Variants in PCDH15 observed in about 807,000 individuals in gnomAD.
PCDH15 encodes protocadherin related 15, also known as protocadherin-15.
Under a neutral mutation model 178.5 loss-of-function variants are expected in PCDH15, and 129 were observed. The ratio of observed to expected loss-of-function variants is 0.72; its 90% confidence interval spans 0.63 to 0.84. The LOEUF (loss-of-function observed/expected upper bound fraction) is 0.84, where lower values mean the gene tolerates loss of function less well. Among genes scored for constraint, PCDH15 ranks in the 40% least tolerant of loss-of-function variants. The pLI is 0.00. For synonymous variants in PCDH15, 800 were observed against 732.0 expected, an observed-to-expected ratio of 1.09 and a Z score of -1.50; for missense variants, 2,230 against 2,099.9, an observed-to-expected ratio of 1.06 and a Z score of -1.21.
chr10:54,853,598 C>T (rs1250566542), intron 3 of PCDH15, among the ~76,000 whole-genome samples: 1 of 150,774 alleles, frequency 6.6e-6, no homozygotes, highest in Admixed American at 6.6e-5. Context: ...ATCAAAAATA[C>T]CTTCCTTGTA....
chr10:53,826,057 T>C (rs2076658776), intron 32 of PCDH15, among the ~76,000 whole-genome samples: 1 of 151,752 alleles, frequency 6.6e-6, no homozygotes, highest in South Asian at 2.1e-4. Flanking sequence ...TTTTAGTTTC[T>C]AAAGATCTTT....
chr10:55,058,100 T>A (rs1038844047), intron 2 of PCDH15, among the ~76,000 whole-genome samples: 1 of 152,180 alleles, frequency 6.6e-6, no homozygotes, highest in Non-Finnish European at 1.5e-5. Context: ...TTTAAAAAGA[T>A]GCTAGATACA....
At chr10:55,242,812 C>A (rs760508816) in intron 1 of PCDH15, among the ~76,000 whole-genome samples, 1 of 152,148 alleles carries the variant, frequency 6.6e-6, no homozygotes, top group Non-Finnish European at 1.5e-5. Context: ...TGCACTCCAG[C>A]CTGGGCAACA....
At chr10:54,997,980 A>G (rs1220240656) in intron 2 of PCDH15, among the ~76,000 whole-genome samples, 1 of 152,158 alleles carries the variant, frequency 6.6e-6, no homozygotes, top group Non-Finnish European at 1.5e-5. Flanking sequence ...ATAAAATCCA[A>G]TAATTGGTAG....
At chr10:54,043,357 A>G (rs1188542716) in intron 18 of PCDH15, among the ~76,000 whole-genome samples, 2 of 150,342 alleles carry the variant, frequency 1.3e-5, no homozygotes, top group African/African-American at 4.9e-5. Context: ...CATGCTCAAG[A>G]TGTAATTACA....
Position 54,888,535 on chromosome 10 carries a change from C to T in PCDH15, c.-29+8915G>A, listed in dbSNP as rs574236788. ...GTGTAAATCTTTGCATACACATATG[C>T]TTTTTATTTTAGGTAAATACTTAGG... On this transcript the variant is annotated intron_variant, in intron 3 of 5. Coordinates refer to the PCDH15 transcript ENST00000458638. Among the ~76,000 whole-genome samples the T allele has an allele frequency of 5.3e-5, 8 of 151,850 alleles. No individual in the cohort carries two copies. In the East Asian group the frequency reaches 1.5e-3, roughly 29 times the overall value.
intron 1 of PCDH15, among the ~76,000 whole-genome samples, chr10:55,229,297 T>C (rs935697966): frequency 2.6e-5 from 4 of 151,854 alleles, no homozygotes; most frequent in Non-Finnish European, 5.9e-5. Flanking sequence ...AAATGATATA[T>C]ATCCCCTAAA....
intron 14 of PCDH15, among the ~76,000 whole-genome samples, chr10:54,143,963 T>C (rs1000222145): frequency 6.6e-6 from 1 of 152,126 alleles, no homozygotes; most frequent in African/African-American, 2.4e-5. Flanking sequence ...AAAGCCAGTG[T>C]AGGTCCTATA....
intron 3 of PCDH15, among the ~76,000 whole-genome samples, chr10:54,817,722 CAAT>C (rs1952971904): frequency 6.6e-6 from 1 of 151,994 alleles, no homozygotes; most frequent in Non-Finnish European, 1.5e-5. Flanking sequence ...ATCATCTATA[CAAT>C]GTGTTCTCAT....
chr10:55,216,126 A>G (rs1250045054), intron 1 of PCDH15, among the ~76,000 whole-genome samples: 1 of 151,780 alleles, frequency 6.6e-6, no homozygotes, highest in Non-Finnish European at 1.5e-5. Flanking sequence ...AAAAATGAGG[A>G]AGCACATATA....
intron 2 of PCDH15, among the ~76,000 whole-genome samples, chr10:54,557,554 T>G (rs1172405060): frequency 6.6e-6 from 1 of 152,192 alleles, no homozygotes; most frequent in Non-Finnish European, 1.5e-5. Context: ...TCATACTATC[T>G]GTGCTTCAGA....
At chr10:54,835,039 T>A (rs1953291182) in intron 3 of PCDH15, among the ~76,000 whole-genome samples, 1 of 152,192 alleles carries the variant, frequency 6.6e-6, no homozygotes, top group Non-Finnish European at 1.5e-5. Context: ...CTGAAGAATG[T>A]GAAGATACAA....
intron 1 of PCDH15, among the ~76,000 whole-genome samples, chr10:54,678,842 T>C (rs2094840113): frequency 6.6e-6 from 1 of 152,216 alleles, no homozygotes; most frequent in East Asian, 1.9e-4. Flanking sequence ...CCTGATGATA[T>C]AGTTGGAATT....
chr10:53,963,715 C>A (rs1019940096), intron 21 of PCDH15, among the ~76,000 whole-genome samples: 1 of 152,104 alleles, frequency 6.6e-6, no homozygotes, highest in African/African-American at 2.4e-5. Context: ...GGTGTTCTAT[C>A]TGAAAGCCTA....
intron 18 of PCDH15, among the ~76,000 whole-genome samples, chr10:54,065,415 C>T (rs1258843338): frequency 6.6e-6 from 1 of 152,154 alleles, no homozygotes; most frequent in Non-Finnish European, 1.5e-5. Context: ...ATCTACACTT[C>T]TCAAAAAATA....
chr10:54,778,969 T>A (rs1175791275), intron 1 of PCDH15, among the ~76,000 whole-genome samples: 1 of 152,096 alleles, frequency 6.6e-6, no homozygotes, highest in Non-Finnish European at 1.5e-5. Context: ...TTCCAGCCTA[T>A]CTATTGCTTT....
chr10:53,903,451 CT>C (rs1198227456), intron 25 of PCDH15, 81 bp from the exon 26 acceptor site: 122 of 1,502,310 alleles, frequency 8.1e-5, no homozygotes, highest in Admixed American at 3.3e-4. Flanking sequence ...ATTTGCTGCA[CT>C]TTTTTTTGGA....
At chr10:54,942,388 G>T (rs1372469793) in intron 2 of PCDH15, among the ~76,000 whole-genome samples, 1 of 151,928 alleles carries the variant, frequency 6.6e-6, no homozygotes, top group Non-Finnish European at 1.5e-5. Flanking sequence ...AATATCCAGA[G>T]ACTTTAAATT....
chr10:54,436,520 G>T (rs954160083), intron 3 of PCDH15, among the ~76,000 whole-genome samples: 5 of 152,038 alleles, frequency 3.3e-5, no homozygotes, highest in Non-Finnish European at 7.4e-5. Flanking sequence ...AATGAGAAAT[G>T]ACTTCAGAAG....
Sources: allele counts gnomAD v4.1 joint callset (sites outside exome capture counted in the v4.1 genomes callset), GRCh38; gene constraint gnomAD v4.1.1; transcripts MANE v1.5; gene names NCBI Gene and HGNC (gene_info 2026-07-23, HGNC 2026-07-21).